ZNF141: variants seen among roughly 807,000 people sequenced by gnomAD.
ZNF141 encodes zinc finger protein 141 (clone pHZ-44).
In ZNF141, 7 loss-of-function variants were observed where a neutral mutation model predicts 11.3. The ratio of observed to expected loss-of-function variants is 0.62; its 90% CI spans 0.35 to 1.16. The LOEUF (loss-of-function observed/expected upper bound fraction) is 1.16. Among genes scored for constraint, ZNF141 ranks in the 50% most tolerant of loss-of-function variants. The pLI is 0.02. For synonymous variants in ZNF141, 183 were observed against 190.7 expected, an observed-to-expected ratio of 0.96 and a Z score of 0.33; for missense variants, 535 against 554.0, an observed-to-expected ratio of 0.97 and a Z score of 0.34.
chr4:369,764 A>ATATATTT, intron 3 of ZNF141, among the ~76,000 whole-genome samples: 2 of 48,724 alleles, frequency 4.1e-5, no homozygotes, highest in South Asian at 8.3e-4. Context: ...ATATATATAT[A>ATATATTT]TTTTTTTTTT....
chr4:340,501 A>G (rs1720995133), intron 1 of ZNF141, among the ~76,000 whole-genome samples: 1 of 152,214 alleles, frequency 6.6e-6, no homozygotes, highest in African/African-American at 2.4e-5. Context: ...GCATTGATTA[A>G]ACCTGAGAAC....
intron 3 of ZNF141, among the ~76,000 whole-genome samples, chr4:365,826 G>C (rs1306016485): frequency 8.5e-5 from 13 of 152,202 alleles, no homozygotes; most frequent in Non-Finnish European, 1.3e-4. Flanking sequence ...GTAAGAGCTA[G>C]GGGCCTAGTT....
chr4:380,723 GAGAA>G lies in ZNF141; in HGVS notation c.*6867_*6870del, dbSNP rs1553855439. On this transcript the variant is annotated 3_prime_UTR_variant, in exon 4 of 4. Transcript: ENST00000240499. The stretch of plus-strand genomic sequence containing the variant: ...TAGGTATTATTATCCTCATTTTACA[GAGAA>G]AGAAACAGCCATAGAGAAAAATGAC... Among the ~76,000 whole-genome samples the G allele has an allele frequency of 1.3e-5, 2 of 151,990 alleles. No individual in the cohort carries two copies. Among genetic ancestry groups the G allele is most frequent in the Non-Finnish European group, 2.9e-5 (2 of 68,014 alleles).
rs6854214 is a variant in ZNF141 at position 383,099 on chromosome 4, C to T, written c.*9237C>T. ...TGCTTCTGTTATCTTTTTCAGAATTCTTCCATCTCTATGACAACAAGCCCA... is the reference window on the plus strand; with the variant it reads ...TGCTTCTGTTATCTTTTTCAGAATTTTTCCATCTCTATGACAACAAGCCCA... On this transcript the variant is annotated 3_prime_UTR_variant, in exon 4 of 4. Coordinates refer to ENST00000240499, the MANE Select transcript of ZNF141 (RefSeq NM_003441.4). 2 of 694,498 alleles carry T rather than the reference C, an allele frequency of 2.9e-6. No homozygotes were observed. The highest frequency in any genetic ancestry group is 5.2e-6 in the Non-Finnish European group (2 of 382,252). 43.0% of individuals were successfully genotyped at this position (694,498 alleles called of 1,614,324 possible). A position where few individuals can be genotyped will look rare whatever the true frequency, so the allele number is the denominator to read the frequency against.
At chr4:356,255 C>T (rs116268551) in intron 3 of ZNF141, among the ~76,000 whole-genome samples, 1 of 150,002 alleles carries the variant, frequency 6.7e-6, no homozygotes, top group African/African-American at 2.5e-5. Flanking sequence ...AAGAATAATA[C>T]TATTAATCCT....
At chr4:348,226 T>G (rs979412723) in intron 3 of ZNF141, among the ~76,000 whole-genome samples, 2 of 152,222 alleles carry the variant, frequency 1.3e-5, no homozygotes, top group Admixed American at 6.5e-5. Context: ...TTTTTTCCTT[T>G]GATGTGCAGA....
In ZNF141 at chr4:375,637, AAAG is replaced by A. The variant is rs1469352937; in HGVS notation, c.*1780_*1782del. Among the ~76,000 whole-genome samples the A allele has an allele frequency of 6.6e-6, 1 of 152,180 alleles. No individual in the cohort carries two copies. The highest frequency in any genetic ancestry group is 2.4e-5 in the African/African-American group (1 of 41,568). On this transcript the variant is annotated 3_prime_UTR_variant, in exon 4 of 4. Coordinates refer to ENST00000240499, the MANE Select transcript of ZNF141 (RefSeq NM_003441.4). Reference sequence around the variant, plus strand: ...GAGAATTTCTTTGTATATAAGTTGAAAAGAAGATTTTTGAAGAGATACTACATT... The same window carrying A: ...GAGAATTTCTTTGTATATAAGTTGAAAAGATTTTTGAAGAGATACTACATT...
At position 377,025 on chromosome 4, in the gene ZNF141, A is replaced by T. The variant is rs562788256; in HGVS notation, c.*3163A>T. On this transcript the variant is annotated 3_prime_UTR_variant, in exon 4 of 4. Transcript: ENST00000240499. ...AGAATGATTTTTATAAAATGTAGTG[A>T]ATGTAAAATTTTTAGATGTAATTTC... 2.0e-5 allele frequency among the ~76,000 whole-genome samples: 3 copies of T among 152,308 alleles called. No homozygotes were observed. The South Asian group carries it at 6.2e-4, about 32-fold the overall frequency.
chr4:348,093 C>T (rs1416004023), intron 3 of ZNF141, among the ~76,000 whole-genome samples: 1 of 152,150 alleles, frequency 6.6e-6, no homozygotes, highest in African/African-American at 2.4e-5. Context: ...ATCTGCCTGC[C>T]TCGGCCTCCC....
chr4:359,901 G>A (rs544764266), intron 3 of ZNF141, among the ~76,000 whole-genome samples: 1 of 152,130 alleles, frequency 6.6e-6, no homozygotes. Context: ...GCAGTTTGGG[G>A]TAATTCAGAG....
chr4:377,911 A>G lies in ZNF141; in HGVS notation c.*4049A>G, dbSNP rs1712446971. On this transcript the variant is annotated 3_prime_UTR_variant, in exon 4 of 4. Transcript: ENST00000240499. Reference sequence around the variant, plus strand: ...CCAGGTGGCGGTGGTTCACACCTGTAATCCCAGCACTTTGGGAGGCCGAGA... The same window carrying G: ...CCAGGTGGCGGTGGTTCACACCTGTGATCCCAGCACTTTGGGAGGCCGAGA... 6.6e-6 allele frequency: 1 copy of G among 152,224 alleles called. No homozygotes were observed. The highest frequency in any genetic ancestry group is 2.4e-5 in the African/African-American group (1 of 41,458). 9.4% of individuals were successfully genotyped at this position (152,224 alleles called of 1,614,324 possible).
chr4:367,759 T>C (rs6851117), intron 3 of ZNF141, among the ~76,000 whole-genome samples: 151,354 of 152,222 alleles, frequency 0.99, 75,250 homozygotes, highest in East Asian at 1. Flanking sequence ...TCATGATCTG[T>C]CCGCCACGGC....
intron 3 of ZNF141, among the ~76,000 whole-genome samples, chr4:358,718 C>T (rs1380553370): frequency 6.6e-6 from 1 of 151,220 alleles, no homozygotes; most frequent in African/African-American, 2.4e-5. Flanking sequence ...GCTAAGATTA[C>T]AGGAATGTGC....
At chr4:348,000 A>G (rs781982996) in intron 3 of ZNF141, among the ~76,000 whole-genome samples, 4 of 151,766 alleles carry the variant, frequency 2.6e-5, no homozygotes, top group Non-Finnish European at 5.9e-5. Flanking sequence ...ACGTGCCACC[A>G]TGCCCAGCTA....
intron 3 of ZNF141, among the ~76,000 whole-genome samples, chr4:357,707 CTTTT>C (rs572493320): frequency 7.5e-6 from 1 of 132,584 alleles, no homozygotes; most frequent in Non-Finnish European, 1.6e-5. Context: ...TTTCTTTTTT[CTTTT>C]TTTTTTTTTT....
rs1449919238 is a variant in ZNF141 at position 380,510 on chromosome 4, G to T, written c.*6648G>T. Reference sequence around the variant, plus strand: ...CTACTACAAATATAAAAATTAGCTGGGTGTGGTGTCAGGCGCCTGTAATCC... The same window carrying T: ...CTACTACAAATATAAAAATTAGCTGTGTGTGGTGTCAGGCGCCTGTAATCC... On this transcript the variant is annotated 3_prime_UTR_variant, in exon 4 of 4. Coordinates refer to ENST00000240499, the MANE Select transcript of ZNF141 (RefSeq NM_003441.4). 6.6e-6 allele frequency among the ~76,000 whole-genome samples: 1 copy of T among 151,924 alleles called. No homozygotes were observed. Among genetic ancestry groups the T allele is most frequent in the Non-Finnish European group, 1.5e-5 (1 of 68,018 alleles).
chr4:339,848 A>G (rs1183246998), intron 1 of ZNF141, among the ~76,000 whole-genome samples: 5 of 152,206 alleles, frequency 3.3e-5, no homozygotes, highest in African/African-American at 1.2e-4. Context: ...GCCTTCACAT[A>G]TCAAATCTAC....
intron 3 of ZNF141, among the ~76,000 whole-genome samples, chr4:369,764 A>ATGTTTTTTTTTTTTTTTTTTTTTTTTT: frequency 5.5e-4 from 27 of 48,722 alleles, no homozygotes; most frequent in Non-Finnish European, 6.5e-4. Flanking sequence ...ATATATATAT[A>ATGTTTTTTTTTTTTTTTTTTTTTTTTT]TTTTTTTTTT....
At chr4:358,011 G>A (rs1553851479) in intron 3 of ZNF141, among the ~76,000 whole-genome samples, 1 of 151,500 alleles carries the variant, frequency 6.6e-6, no homozygotes, top group African/African-American at 2.4e-5. Flanking sequence ...GAGCCACCAT[G>A]CCTGGCCTCA....
Sources: gnomAD v4.1 joint callset for allele counts (sites outside exome capture counted in the v4.1 genomes callset) on GRCh38, gnomAD v4.1.1 for gene constraint, MANE v1.5 for transcripts, NCBI Gene and HGNC (gene_info 2026-07-23, HGNC 2026-07-21) for gene names.